SH3BP4: variants seen among roughly 807,000 people sequenced by gnomAD.
SH3BP4 encodes the protein SH3 domain-binding protein 4.
SH3BP4 carries 33 observed loss-of-function variants against 65.5 expected under a neutral mutation model. The observed-to-expected ratio is 0.50, with a 90% CI of 0.38 to 0.67. The LOEUF (loss-of-function observed/expected upper bound fraction) is 0.67. Ranked by LOEUF, SH3BP4 falls within the 30% of genes least tolerant of loss-of-function variation. SH3BP4 has a pLI of 0.00. For synonymous variants in SH3BP4, 552 were observed against 545.5 expected (o/e 1.01, Z -0.17); for missense variants, 1,134 against 1,261.4 (o/e 0.90, Z 1.53).
chr2:235,017,378 A>G (rs1055609719), intron 2 of SH3BP4, among the ~76,000 whole-genome samples: 4 of 150,920 alleles, frequency 2.7e-5, no homozygotes, highest in Non-Finnish European at 5.9e-5. Context: ...CCCAAGAGGC[A>G]GAGGTTGCAG....
chr2:235,054,157 A>C lies in SH3BP4; in HGVS notation c.*341A>C, dbSNP rs1426725446. 1 of 244,868 alleles carries C rather than the reference A, an allele frequency of 4.1e-6. No individual in the cohort carries two copies. Among genetic ancestry groups the C allele is most frequent in the Non-Finnish European group, 8.0e-6 (1 of 125,370 alleles). The allele number at this position is 244,868 out of a possible 1,614,324, so 15.2% of individuals were successfully genotyped here. A position where few individuals can be genotyped will look rare whatever the true frequency, so the allele number is the denominator to read the frequency against. On this transcript the variant is annotated 3_prime_UTR_variant, in exon 6 of 6. Coordinates refer to ENST00000392011, the MANE Select transcript of SH3BP4 (RefSeq NM_014521.3). ...TAAAGGTTTAAAAGAAAATAGGGGC[A>C]CAGGCTGTTGAGGTTTTTATGTTGT...
chr2:234,972,200 T>G (rs1183487878), intron 1 of SH3BP4, among the ~76,000 whole-genome samples: 3 of 151,342 alleles, frequency 2.0e-5, no homozygotes, highest in Non-Finnish European at 2.9e-5. Context: ...GGCGCCATCT[T>G]GGCTCACTGC....
chr2:235,034,985 CG>C lies in SH3BP4; in HGVS notation c.-15del. On this transcript the variant is annotated 5_prime_UTR_variant, in exon 3 of 6. Transcript: ENST00000392011. The surrounding 1 kb of genome is among the most constrained non-coding windows in gnomAD (Gnocchi z 6.2). The stretch of plus-strand genomic sequence containing the variant: ...AATATGAAGCCTTAGCGGCTTTACC[CG>C]GGAAGCGAGTTTCGAGATGGCGGCT... The C allele has an allele frequency of 6.2e-7, 1 of 1,607,248 alleles. No homozygotes were observed. Among genetic ancestry groups the C allele is most frequent in the East Asian group, 2.2e-5 (1 of 44,824 alleles).
At chr2:234,958,726 G>A (rs1692641148) in intron 1 of SH3BP4, among the ~76,000 whole-genome samples, 1 of 152,098 alleles carries the variant, frequency 6.6e-6, no homozygotes, top group Admixed American at 6.5e-5. Flanking sequence ...GCTCAAAGCA[G>A]ACGGGACAGT....
Position 234,967,471 on chromosome 2 carries a change from G to A in SH3BP4, c.-207+15301G>A, listed in dbSNP as rs1194925553. ...CGGTCTCACCACTACACCCTGACAC[G>A]TGGGCTCTCCATCTTCCCTGCCTGC... On this transcript the variant is annotated intron_variant, in intron 1 of 5. Transcript: ENST00000392011. The surrounding 1 kb of genome is among the most constrained non-coding windows in gnomAD (Gnocchi z 4.6). 1.3e-5 allele frequency among the ~76,000 whole-genome samples: 2 copies of A among 152,116 alleles called. No homozygotes were observed. Among genetic ancestry groups the A allele is most frequent in the South Asian group, 2.1e-4 (1 of 4,826 alleles).
Position 235,031,834 on chromosome 2 carries a change from C to T in SH3BP4, c.-132-3037C>T, listed in dbSNP as rs146467243. ...CCGCCCTAGGCCCCACCAGGGCTGG[C>T]GATGCCCTGAGCAGCCTGCGTGGAG... On this transcript the variant is annotated intron_variant, in intron 2 of 5. Coordinates refer to ENST00000392011, the MANE Select transcript of SH3BP4 (RefSeq NM_014521.3). Among the ~76,000 whole-genome samples the T allele has an allele frequency of 6.0e-3, 914 of 152,378 alleles. 5 individuals are homozygous for T. Among genetic ancestry groups the T allele is most frequent in the African/African-American group, 0.021 (877 of 41,596 alleles).
chr2:235,021,762 AT>A (rs1428311810), intron 2 of SH3BP4, among the ~76,000 whole-genome samples: 2 of 152,212 alleles, frequency 1.3e-5, no homozygotes, highest in Non-Finnish European at 2.9e-5. Flanking sequence ...TCATGGTTAA[AT>A]AAAGGTTGAT....
chr2:235,005,962 C>A (rs1198318931), intron 2 of SH3BP4, among the ~76,000 whole-genome samples: 1 of 152,242 alleles, frequency 6.6e-6, no homozygotes, highest in African/African-American at 2.4e-5. Flanking sequence ...GTGTTCCTGG[C>A]TGTGGGAGGC....
chr2:234,984,626 G>T (rs972396692), intron 1 of SH3BP4, among the ~76,000 whole-genome samples: 2 of 152,100 alleles, frequency 1.3e-5, no homozygotes, highest in Non-Finnish European at 2.9e-5. Context: ...CTAACAATCC[G>T]TAACAGCCCA....
At position 234,978,931 on chromosome 2, in the gene SH3BP4, G is replaced by A. The variant is rs889386563; in HGVS notation, c.-206-16372G>A. On this transcript the variant is annotated intron_variant, in intron 1 of 5. Transcript: ENST00000392011. This position sits in a 1 kb window ranked among gnomAD's most constrained non-coding sequence, Gnocchi z 4.1. ...GCTGGAGGCTTTTGCATTTGGTTTG[G>A]CGAGGAGAGACAGCAGGATTTCTGG... 1.2e-4 allele frequency: 18 copies of A among 152,176 alleles called. No individual in the cohort carries two copies. The highest frequency in any genetic ancestry group is 4.1e-4 in the African/African-American group (17 of 41,406). The allele number at this position is 152,176 out of a possible 1,614,324, so 9.4% of individuals were successfully genotyped here.
At chr2:234,992,770 G>A (rs1693789838) in intron 1 of SH3BP4, among the ~76,000 whole-genome samples, 1 of 148,862 alleles carries the variant, frequency 6.7e-6, no homozygotes, top group African/African-American at 2.5e-5. Context: ...CTGGGTCTGG[G>A]CAGCACCTGG....
chr2:234,961,568 G>A (rs1027018061), intron 1 of SH3BP4, among the ~76,000 whole-genome samples: 1 of 152,100 alleles, frequency 6.6e-6, no homozygotes, highest in African/African-American at 2.4e-5. Context: ...CACTGCGCCC[G>A]GCCTCCATGT....
At chr2:234,992,663 G>A (rs1019649375) in intron 1 of SH3BP4, among the ~76,000 whole-genome samples, 3 of 148,376 alleles carry the variant, frequency 2.0e-5, no homozygotes, top group Admixed American at 2.0e-4. Flanking sequence ...CTGCTGCGTG[G>A]CTCTGGGTCT....
intron 1 of SH3BP4, among the ~76,000 whole-genome samples, chr2:234,980,928 C>T (rs1350259242): frequency 2.0e-5 from 3 of 152,108 alleles, no homozygotes; most frequent in Non-Finnish European, 2.9e-5. Context: ...CTCACTGTGT[C>T]GCCCAGGCTG....
intron 1 of SH3BP4, among the ~76,000 whole-genome samples, chr2:234,990,540 A>G (rs1404721889): frequency 1.3e-5 from 2 of 151,954 alleles, no homozygotes; most frequent in Non-Finnish European, 2.9e-5. Context: ...TTCCCTGGGA[A>G]CTCATGCGGG....
At chr2:234,985,539 C>T (rs1348885592) in intron 1 of SH3BP4, among the ~76,000 whole-genome samples, 1 of 151,946 alleles carries the variant, frequency 6.6e-6, no homozygotes, top group Non-Finnish European at 1.5e-5. Flanking sequence ...GTTTTTCACT[C>T]TCTGTGCACA....
At chr2:235,043,303 C>T (rs1349485835) in intron 4 of SH3BP4, 56 bp downstream of exon 4, 84 of 1,433,940 alleles carry the variant, frequency 5.9e-5, no homozygotes, top group Non-Finnish European at 7.3e-5. Flanking sequence ...AAAGCCTTTC[C>T]GCCTTCCCAG....
intron 2 of SH3BP4, among the ~76,000 whole-genome samples, chr2:235,022,907 T>C (rs1694887481): frequency 6.6e-6 from 1 of 152,190 alleles, no homozygotes; most frequent in Non-Finnish European, 1.5e-5. Flanking sequence ...AGAGTTGCAG[T>C]TGGGGCCTGA....
chr2:234,987,558 C>T (rs779058446), intron 1 of SH3BP4, among the ~76,000 whole-genome samples: 3 of 152,148 alleles, frequency 2.0e-5, no homozygotes, highest in Non-Finnish European at 2.9e-5. Flanking sequence ...TTCCCCAGGC[C>T]GCCTCCCCCC....
Sources: gnomAD v4.1 joint callset for allele counts (sites outside exome capture counted in the v4.1 genomes callset) on GRCh38, gnomAD v4.1.1 for gene constraint, Gnocchi (gnomAD v3.1) non-coding constraint, MANE v1.5 for transcripts, NCBI Gene and HGNC (gene_info 2026-07-23, HGNC 2026-07-21) for gene names.